The following DLG2 variants were observed in gnomAD, a reference collection of about 807,000 sequenced individuals.
DLG2 encodes the protein discs large MAGUK scaffold protein 2.
DLG2 carries 45 observed loss-of-function variants against 132.5 expected under a neutral mutation model. The ratio of observed to expected loss-of-function variants is 0.34; its 90% CI spans 0.27 to 0.44. The LOEUF is 0.44. DLG2 is among the 20% of genes least tolerant of loss of function. The pLI, the probability that DLG2 is intolerant of heterozygous loss-of-function variation, is 1.00. For synonymous variants in DLG2, 424 were observed against 419.6 expected (o/e 1.01, Z -0.13); for missense variants, 1,045 against 1,196.9 (o/e 0.87, Z 1.87).
intron 21 of DLG2, among the ~76,000 whole-genome samples, chr11:83,523,855 C>T (rs2095542510): frequency 6.6e-6 from 1 of 152,104 alleles, no homozygotes; most frequent in Non-Finnish European, 1.5e-5. Context: ...GGTTTAGAAT[C>T]AGTCCTGCTG....
At chr11:83,560,560 C>A (rs946014869) in intron 19 of DLG2, among the ~76,000 whole-genome samples, 1 of 152,032 alleles carries the variant, frequency 6.6e-6, no homozygotes, top group Non-Finnish European at 1.5e-5. Context: ...TCTATTCAGT[C>A]TAAAATGTCT....
chr11:84,277,464 A>T (rs2154368118), intron 7 of DLG2, among the ~76,000 whole-genome samples: 1 of 152,338 alleles, frequency 6.6e-6, no homozygotes, highest in South Asian at 2.1e-4. Context: ...AAATGACACA[A>T]TTCCAAATAG....
chr11:83,837,238 T>C (rs1217034270), intron 16 of DLG2, among the ~76,000 whole-genome samples: 1 of 151,530 alleles, frequency 6.6e-6, no homozygotes, highest in African/African-American at 2.4e-5. Flanking sequence ...ATATTAGGAG[T>C]AGGGGAATGG....
intron 6 of DLG2, among the ~76,000 whole-genome samples, chr11:84,719,314 C>G (rs371355707): frequency 6.6e-6 from 1 of 152,178 alleles, no homozygotes; most frequent in East Asian, 1.9e-4. Flanking sequence ...TTAGAGAAGT[C>G]AAACTTCAGT....
At chr11:83,464,075 C>T (rs1438572386) in intron 26 of DLG2, among the ~76,000 whole-genome samples, 3 of 152,064 alleles carry the variant, frequency 2.0e-5, no homozygotes, top group Non-Finnish European at 4.4e-5. Context: ...GCTAGATAAA[C>T]ATAATTATAA....
intron 18 of DLG2, among the ~76,000 whole-genome samples, chr11:83,759,553 T>G (rs1176535341): frequency 6.6e-6 from 1 of 152,186 alleles, no homozygotes; most frequent in African/African-American, 2.4e-5. Flanking sequence ...GGACTTTAAT[T>G]TAGAGTAGTT....
chr11:85,539,389 C>G (rs769063736), intron 3 of DLG2, among the ~76,000 whole-genome samples: 2 of 152,186 alleles, frequency 1.3e-5, no homozygotes, highest in East Asian at 3.9e-4. Context: ...TCCCATTAAT[C>G]TTCCTTTGTC....
chr11:83,576,340 A>T (rs1193895638), intron 19 of DLG2, among the ~76,000 whole-genome samples: 3 of 152,176 alleles, frequency 2.0e-5, no homozygotes, highest in Non-Finnish European at 4.4e-5. Context: ...AAGAGTGAGA[A>T]GGAAAGGAAA....
intron 3 of DLG2, among the ~76,000 whole-genome samples, chr11:85,304,187 A>G (rs922149788): frequency 3.3e-5 from 5 of 152,208 alleles, no homozygotes; most frequent in Non-Finnish European, 5.9e-5. Flanking sequence ...TAGCTTAAAA[A>G]CTATGGCAAA....
chr11:83,480,788 A>G lies in DLG2; in HGVS notation c.2293+3341T>C, dbSNP rs1591557580. On this transcript the variant is annotated intron_variant, in intron 22 of 27. Transcript: ENST00000376104. ...TGAGTGTTTTCTTGACTATAAATTC[A>G]GACGCTTCTGGTGTGTAGGCAGTGT... 2.1e-5 allele frequency: 13 copies of G among 633,160 alleles called. No homozygotes were observed. In the East Asian group the frequency reaches 3.6e-4, roughly 17 times the overall value. The allele number at this position is 633,160 out of a possible 1,614,324, so 39.2% of individuals were successfully genotyped here.
At chr11:84,566,247 G>A (rs549322849) in intron 6 of DLG2, among the ~76,000 whole-genome samples, 2 of 152,198 alleles carry the variant, frequency 1.3e-5, no homozygotes, top group Non-Finnish European at 2.9e-5. Flanking sequence ...ACAGGCATGA[G>A]ACACCGTGTC....
intron 18 of DLG2, among the ~76,000 whole-genome samples, chr11:83,761,851 A>T (rs1428378564): frequency 1.3e-5 from 2 of 152,182 alleles, no homozygotes; most frequent in Non-Finnish European, 2.9e-5. Context: ...AACAAATCTT[A>T]CTTAAATAAA....
intron 3 of DLG2, among the ~76,000 whole-genome samples, chr11:85,360,242 T>C (rs2152898892): frequency 6.6e-6 from 1 of 152,336 alleles, no homozygotes; most frequent in Middle Eastern, 3.4e-3. Flanking sequence ...CAACTGAGAA[T>C]ATAGGCTGTA....
intron 10 of DLG2, among the ~76,000 whole-genome samples, chr11:84,072,465 C>T (rs1449107257): frequency 1.3e-5 from 2 of 152,154 alleles, no homozygotes; most frequent in East Asian, 3.9e-4. Flanking sequence ...AAGAGAAATA[C>T]AGGGTAATGC....
chr11:84,769,113 A>G (rs566755496), intron 6 of DLG2, among the ~76,000 whole-genome samples: 1 of 152,282 alleles, frequency 6.6e-6, no homozygotes, highest in East Asian at 1.9e-4. Context: ...AAACGCTCCT[A>G]TTAGCCCTCC....
intron 7 of DLG2, among the ~76,000 whole-genome samples, chr11:84,520,615 G>C (rs187907468): frequency 4.6e-5 from 7 of 152,020 alleles, no homozygotes. Context: ...TCACTGCCCA[G>C]CTCCTTTTTC....
At chr11:84,760,077 C>A (rs2067405049) in intron 6 of DLG2, among the ~76,000 whole-genome samples, 1 of 152,152 alleles carries the variant, frequency 6.6e-6, no homozygotes, top group South Asian at 2.1e-4. Flanking sequence ...AATCCTAATG[C>A]AGCATTTTAT....
chr11:83,532,431 A>C (rs1176618076), intron 21 of DLG2, among the ~76,000 whole-genome samples: 1 of 152,040 alleles, frequency 6.6e-6, no homozygotes, highest in African/African-American at 2.4e-5. Context: ...AAAACCACCT[A>C]AACTATCTTG....
intron 15 of DLG2, among the ~76,000 whole-genome samples, chr11:83,914,677 A>C (rs1054814793): frequency 1.3e-5 from 2 of 152,174 alleles, no homozygotes; most frequent in Non-Finnish European, 2.9e-5. Context: ...TAGTGAGTAG[A>C]GCCAGGATCC....
Sources: allele counts gnomAD v4.1 joint callset (sites outside exome capture counted in the v4.1 genomes callset), GRCh38; gene constraint gnomAD v4.1.1; transcripts MANE v1.5; gene names NCBI Gene and HGNC (gene_info 2026-07-23, HGNC 2026-07-21).